TBC1D8B: variants seen among roughly 807,000 people sequenced by gnomAD.
The protein encoded by TBC1D8B is RP11-321G1.1.
In TBC1D8B, 75 loss-of-function variants were observed where a neutral mutation model predicts 82.9. That is an observed-to-expected ratio of 0.90 (90% CI 0.75 to 1.10). The LOEUF is 1.10. TBC1D8B is among the 50% of genes least tolerant of loss of function. TBC1D8B has a pLI of 0.00. For synonymous variants in TBC1D8B, 276 were observed against 276.8 expected, an observed-to-expected ratio of 1.00 and a Z score of 0.03; for missense variants, 794 against 796.9, an observed-to-expected ratio of 1.00 and a Z score of 0.04.
intron 10 of TBC1D8B, among the ~76,000 whole-genome samples, chrX:106,841,787 C>A (rs1480154965): frequency 2.7e-5 from 3 of 111,936 alleles, no homozygotes; most frequent in Non-Finnish European, 5.6e-5. Context: ...ATTTTCAAAA[C>A]AAACCTTCCC....
chrX:106,807,823 C>T (rs908209858), intron 1 of TBC1D8B, among the ~76,000 whole-genome samples: 3 of 111,197 alleles, frequency 2.7e-5, no homozygotes, highest in Non-Finnish European at 5.7e-5. Context: ...GAGGCCAAGG[C>T]GGGCGGATCA....
intron 12 of TBC1D8B, among the ~76,000 whole-genome samples, chrX:106,851,683 C>T (rs1047292343): frequency 2.7e-5 from 3 of 110,179 alleles, no homozygotes; most frequent in African/African-American, 9.9e-5. Flanking sequence ...TTTGTCCTTG[C>T]GATATTTTGC....
In TBC1D8B at chrX:106,854,194, G is replaced by A; in HGVS notation, c.2254-4G>A. The A allele has an allele frequency of 8.8e-7, 1 of 1,130,437 alleles. No homozygotes were observed. Among genetic ancestry groups the A allele is most frequent in the Non-Finnish European group, 1.2e-6 (1 of 848,138 alleles). 93.2% of individuals were successfully genotyped at this position (1,130,437 alleles called of 1,213,427 possible). On this transcript the variant is annotated splice_region_variant and splice_polypyrimidine_tract_variant and intron_variant, in intron 13 of 20. Coordinates refer to ENST00000357242, the MANE Select transcript of TBC1D8B (RefSeq NM_017752.3). ...AGTAGCCACTGAAATCATATCTCTT[G>A]CAGAAATATGGTAATATTCGCTATG...
Position 106,823,257 on chromosome X carries a change from A to G in TBC1D8B, c.618A>G (p.Ser206=), listed in dbSNP as rs1274508196. 5 of 1,208,468 alleles carry G rather than the reference A, an allele frequency of 4.1e-6. No homozygotes were observed. Among genetic ancestry groups the G allele is most frequent in the Admixed American group, 2.2e-5 (1 of 45,843 alleles). The change falls in exon 5 of 21, where the codon TCA becomes TCG. Residue 206 remains serine, a synonymous_variant. Transcript: ENST00000357242. ...TCATTATCTCCTGGGATGAAGTCTC[A>G]AAACTTGAAAAGACTTCAAATGTCA... ...IKLIISWDEV[S]KLEKTSNVIL... is the part of the protein sequence containing the mutation.
chrX:106,844,395 T>C (rs1445031789), intron 10 of TBC1D8B, among the ~76,000 whole-genome samples: 2 of 108,047 alleles, frequency 1.9e-5, no homozygotes, highest in Non-Finnish European at 3.8e-5. Flanking sequence ...TGCTAGTTTG[T>C]TGAGTGTTTT....
At chrX:106,849,559 G>T (rs1932543342) in intron 11 of TBC1D8B, 3 of 931,714 alleles carry the variant, frequency 3.2e-6, no homozygotes, top group Non-Finnish European at 4.0e-6. Flanking sequence ...TCTGTGTATT[G>T]CTGGAGTCTG....
intron 7 of TBC1D8B, 40 bp downstream of exon 7, chrX:106,827,377 G>A: frequency 8.4e-7 from 1 of 1,192,094 alleles, no homozygotes; most frequent in Non-Finnish European, 1.1e-6. Flanking sequence ...TGGAAAAAAA[G>A]GTGTGTGTTT....
rs936556991 is a variant in TBC1D8B, at chrX:106,818,714, C to T, written c.182C>T (p.Ala61Val). Residue 61 changes from alanine to valine, a missense_variant, in exon 2 of 21, where the codon GCT (alanine) becomes GTT (valine). Ala to Val is a moderately conservative substitution (Grantham distance 64). Coordinates refer to ENST00000357242, the MANE Select transcript of TBC1D8B (RefSeq NM_017752.3). ...GTCTTGGACTCTACTGCTAAAGTAG[C>T]TCCATTTCGCATCCTACACCAGACA... ...DSVLDSTAKV[A>V]PFRILHQTPD... 8.3e-7 allele frequency: 1 copy of T among 1,208,830 alleles called. No homozygotes were observed. The highest frequency in any genetic ancestry group is 1.1e-6 in the Non-Finnish European group (1 of 893,834).
chrX:106,864,684 A>G (rs1339730161), intron 14 of TBC1D8B, among the ~76,000 whole-genome samples: 1 of 109,598 alleles, frequency 9.1e-6, no homozygotes. Flanking sequence ...ACACCTGGCT[A>G]ATTTTTGTAT....
chrX:106,818,383 G>GT, intron 1 of TBC1D8B: 1 of 210,994 alleles, frequency 4.7e-6, no homozygotes, highest in Non-Finnish European at 8.5e-6. Flanking sequence ...ACAACCTTAT[G>GT]AACGAGATAC....
At chrX:106,813,326 A>G (rs1343704325) in intron 1 of TBC1D8B, among the ~76,000 whole-genome samples, 6 of 112,130 alleles carry the variant, frequency 5.4e-5, no homozygotes, top group African/African-American at 1.3e-4. Flanking sequence ...ATTACAGCTT[A>G]ATGAGCTGGA....
chrX:106,803,121 C>A, intron 1 of TBC1D8B, 138 bp downstream of exon 1: 2 of 731,221 alleles, frequency 2.7e-6, no homozygotes, highest in South Asian at 3.6e-5. Flanking sequence ...TCTCCCGACA[C>A]CACCTTTCCG....
chrX:106,865,131 T>A (rs1440176609), intron 14 of TBC1D8B, among the ~76,000 whole-genome samples: 1 of 111,818 alleles, frequency 8.9e-6, no homozygotes, highest in Non-Finnish European at 1.9e-5. Flanking sequence ...TGGATTATGT[T>A]TTTTGGCATA....
intron 1 of TBC1D8B, chrX:106,813,875 A>T (rs1006910012): frequency 9.1e-6 from 1 of 109,810 alleles, no homozygotes; most frequent in Middle Eastern, 4.8e-3. Flanking sequence ...TTATTATTAC[A>T]CTTTAAGTTT....
intron 19 of TBC1D8B, among the ~76,000 whole-genome samples, chrX:106,870,277 C>T (rs1234013978): frequency 8.9e-6 from 1 of 112,155 alleles, no homozygotes; most frequent in Non-Finnish European, 1.9e-5. Context: ...GTGATCTGCC[C>T]ACCTCGGCCT....
At chrX:106,826,806 G>T (rs1401908086) in intron 6 of TBC1D8B, among the ~76,000 whole-genome samples, 1 of 110,821 alleles carries the variant, frequency 9.0e-6, no homozygotes, top group Non-Finnish European at 1.9e-5. Flanking sequence ...CTTTCAGTAA[G>T]AGCTGTAAGA....
In TBC1D8B at chrX:106,813,558, T is replaced by A. The variant is rs1044380836; in HGVS notation, c.131-5105T>A. ...CCTCTCACATCCACATAGCCACCAT[T>A]AATCTTTCAACAGTATCTTCAAAAA... On this transcript the variant is annotated intron_variant, in intron 1 of 20. Coordinates refer to ENST00000357242, the MANE Select transcript of TBC1D8B (RefSeq NM_017752.3). 4.5e-5 allele frequency among the ~76,000 whole-genome samples: 5 copies of A among 111,913 alleles called. No individual in the cohort carries two copies. In the South Asian group the frequency reaches 1.1e-3, roughly 25 times the overall value.
chrX:106,869,199 T>A (rs1377161791), intron 18 of TBC1D8B, among the ~76,000 whole-genome samples: 1 of 111,895 alleles, frequency 8.9e-6, no homozygotes, highest in Non-Finnish European at 1.9e-5. Flanking sequence ...GTAATATAAC[T>A]TTATTTAAAG....
At chrX:106,834,513 A>G (rs1375931576) in intron 7 of TBC1D8B, among the ~76,000 whole-genome samples, 1 of 111,052 alleles carries the variant, frequency 9.0e-6, no homozygotes, top group African/African-American at 3.3e-5. Context: ...ATTTCAAAAC[A>G]CACTCATGCC....
Sources: allele counts gnomAD v4.1 joint callset (sites outside exome capture counted in the v4.1 genomes callset), GRCh38; gene constraint gnomAD v4.1.1; transcripts MANE v1.5; gene names NCBI Gene and HGNC (gene_info 2026-07-23, HGNC 2026-07-21).